The following SEC14L3 variants were observed in gnomAD, a reference collection of about 807,000 sequenced individuals.
The protein encoded by SEC14L3 is SEC14 like lipid binding 3.
A neutral mutation model predicts 57.4 loss-of-function variants in SEC14L3; 56 were observed. The ratio of observed to expected loss-of-function variants is 0.97; its 90% confidence interval spans 0.79 to 1.22. The LOEUF is 1.22. Among genes scored for constraint, SEC14L3 ranks in the 50% most tolerant of loss-of-function variants. The pLI, the probability that SEC14L3 is intolerant of heterozygous loss-of-function variation, is 0.00. For missense variants in SEC14L3, 485 were observed against 511.7 expected (o/e 0.95, Z 0.50); for synonymous variants, 173 against 194.4 (o/e 0.89, Z 0.92).
exon 13 of SEC14L3, chr22:30,449,040 G>T (rs571753992): frequency 8.9e-4 from 1,367 of 1,527,586 alleles, no homozygotes; most frequent in Non-Finnish European, 1.1e-3. Context: ...GACCACGTAG[G>T]GGGTGAGTCC....
chr22:30,466,837 A>C, intron 6 of SEC14L3, 145 bp downstream of exon 6: 32 of 672,746 alleles, frequency 4.8e-5, no homozygotes, highest in Non-Finnish European at 6.7e-5. Flanking sequence ...TAGGAAAGGT[A>C]TTAAGGCCTT....
downstream of SEC14L3, among the ~76,000 whole-genome samples, chr22:30,457,613 C>G (rs960484933): frequency 6.6e-6 from 1 of 151,578 alleles, no homozygotes; most frequent in East Asian, 1.9e-4. Flanking sequence ...GAACTCCTGA[C>G]GTCAAGTGAT....
At chr22:30,470,730 G>GGATCCAC in intron 1 of SEC14L3, 148 bp from the exon 2 acceptor site, 12 of 1,477,388 alleles carry the variant, frequency 8.1e-6, no homozygotes, top group Non-Finnish European at 1.1e-5. Context: ...GAATAGAAGG[G>GGATCCAC]CAGATGGATC....
chr22:30,451,169 C>T (rs898101489), intron 12 of SEC14L3, among the ~76,000 whole-genome samples: 1 of 152,198 alleles, frequency 6.6e-6, no homozygotes, highest in Admixed American at 6.5e-5. Flanking sequence ...CCGGGGGTGG[C>T]GCTGCTCTGG....
chr22:30,451,759 G>A (rs1934985124), intron 12 of SEC14L3, among the ~76,000 whole-genome samples: 2 of 152,010 alleles, frequency 1.3e-5, no homozygotes, highest in Non-Finnish European at 1.5e-5. Context: ...GGAGGCCAAG[G>A]TGGGCAGATC....
rs1166836317 is a variant in SEC14L3, at chr22:30,459,465, C to T, written c.*556G>A. 4.1e-6 allele frequency: 4 copies of T among 985,382 alleles called. No homozygotes were observed. In the African/African-American group the frequency reaches 7.0e-5, roughly 17 times the overall value. 61.0% of individuals were successfully genotyped at this position (985,382 alleles called of 1,614,324 possible). A position where few individuals can be genotyped will look rare whatever the true frequency, so the allele number is the denominator to read the frequency against. The stretch of plus-strand genomic sequence containing the variant: ...CTGGAGACTGAATTGTCTGGGTCTC[C>T]AGAAGAGAGTCCAACCCCACCACAC... On this transcript the variant is annotated 3_prime_UTR_variant, in exon 12 of 12. Transcript: ENST00000215812.
At chr22:30,466,415 C>G in intron 6 of SEC14L3, 21 bp from the exon 7 acceptor site, 2 of 1,613,972 alleles carry the variant, frequency 1.2e-6, no homozygotes, top group South Asian at 1.1e-5. Context: ...AAGAGAGATC[C>G]CTTCAGAGAG....
chr22:30,467,092 G>C lies in SEC14L3; in HGVS notation c.424-15C>G. 1 of 1,613,906 alleles carries C rather than the reference G, an allele frequency of 6.2e-7. No individual in the cohort carries two copies. Among genetic ancestry groups the C allele is most frequent in the Non-Finnish European group, 8.5e-7 (1 of 1,179,846 alleles). On this transcript the variant is annotated splice_polypyrimidine_tract_variant and intron_variant, in intron 5 of 11. Coordinates refer to ENST00000215812, the MANE Select transcript of SEC14L3 (RefSeq NM_174975.5). ...TTCTTCCCTAGCTGCAAGGATGAGA[G>C]CAAGAAGTAGTTCTGGAGTTCAGGG...
chr22:30,448,327 G>C (rs1437703010), exon 13 of SEC14L3: 2 of 152,180 alleles, frequency 1.3e-5, no homozygotes, highest in African/African-American at 4.8e-5. Flanking sequence ...AGGATCCCAG[G>C]TCACCCATTT....
At chr22:30,458,467 C>G (rs1202103171), downstream of SEC14L3, among the ~76,000 whole-genome samples, 1 of 152,206 alleles carries the variant, frequency 6.6e-6, no homozygotes, top group East Asian at 1.9e-4. Context: ...ACATGCAGGA[C>G]ACTTCTACTG....
chr22:30,468,810 C>T, intron 4 of SEC14L3, 114 bp from the exon 5 acceptor site: 1 of 1,591,762 alleles, frequency 6.3e-7, no homozygotes, highest in Non-Finnish European at 8.6e-7. Context: ...AAGCACTGTC[C>T]CTCCCTGGAA....
Position 30,462,141 on chromosome 22 carries a change from G to A in SEC14L3, c.716C>T (p.Ala239Val). 1 of 1,614,176 alleles carries A rather than the reference G, an allele frequency of 6.2e-7. No homozygotes were observed. The highest frequency in any genetic ancestry group is 8.5e-7 in the Non-Finnish European group (1 of 1,180,030). The change falls in exon 9 of 12, where the codon GCC (alanine) becomes GTC (valine). Residue 239 changes from alanine (A) to valine (V), a missense_variant. Physicochemically the swap from Ala to Val is moderately conservative, Grantham distance 64. Coordinates refer to ENST00000215812, the MANE Select transcript of SEC14L3 (RefSeq NM_174975.5). ...GTCAGTCAGGGTGCCCCCAAACTGG[G>A]CAGGCAGTTCCTCAGGACTGATGAG... ...LKLISPEELPAQFGGTLTDPD... is the reference protein window; with the variant it reads ...LKLISPEELPVQFGGTLTDPD...
rs745857845 is a variant in SEC14L3, at chr22:30,459,329, A to G, written c.*692T>C. On this transcript the variant is annotated 3_prime_UTR_variant, in exon 12 of 12. Coordinates refer to ENST00000215812, the MANE Select transcript of SEC14L3 (RefSeq NM_174975.5). The stretch of plus-strand genomic sequence containing the variant: ...CTATGTGCAACAAGGGAAGTGGGTT[A>G]GGGTGGGAAGCTGAGCGTGCAAGTC... 6.1e-6 allele frequency: 6 copies of G among 985,348 alleles called. No homozygotes were observed. Among genetic ancestry groups the G allele is most frequent in the African/African-American group, 1.7e-5 (1 of 57,252 alleles). 61.0% of individuals were successfully genotyped at this position (985,348 alleles called of 1,614,324 possible). A position where few individuals can be genotyped will look rare whatever the true frequency, so the allele number is the denominator to read the frequency against.
chr22:30,459,878 G>A lies in SEC14L3; in HGVS notation c.*143C>T. 2 of 1,419,536 alleles carry A rather than the reference G, an allele frequency of 1.4e-6. No homozygotes were observed. The highest frequency in any genetic ancestry group is 9.2e-7 in the Non-Finnish European group (1 of 1,082,680). The allele number at this position is 1,419,536 out of a possible 1,614,324, so 87.9% of individuals were successfully genotyped here. A position where few individuals can be genotyped will look rare whatever the true frequency, so the allele number is the denominator to read the frequency against. On this transcript the variant is annotated 3_prime_UTR_variant, in exon 12 of 12. Coordinates refer to ENST00000215812, the MANE Select transcript of SEC14L3 (RefSeq NM_174975.5). ...TTCTTGATCTGACCACAGTAGATGA[G>A]TTTTCCCCAGGGCATCTCTTTCTGT...
exon 13 of SEC14L3, chr22:30,448,987 G>A: frequency 8.8e-7 from 1 of 1,136,804 alleles, no homozygotes; most frequent in East Asian, 2.6e-5. Flanking sequence ...AAGCAGCATG[G>A]CAAGGCGGTC....
chr22:30,459,067 G>T (rs977871361), downstream of SEC14L3, among the ~76,000 whole-genome samples: 2 of 152,100 alleles, frequency 1.3e-5, no homozygotes, highest in Admixed American at 1.3e-4. Flanking sequence ...CCCAGGTCCT[G>T]GATCTGCCAC....
chr22:30,468,840 GTGAGAAAGC>G (rs1569231827), intron 4 of SEC14L3, 144 bp from the exon 5 acceptor site: 2 of 1,562,114 alleles, frequency 1.3e-6, no homozygotes, highest in Admixed American at 3.9e-5. Flanking sequence ...ATTGTCTCAG[GTGAGAAAGC>G]TGAGGTCCTG....
rs187752335 is a variant in SEC14L3 at position 30,464,517 on chromosome 22, T to C, written c.664+303A>G. On this transcript the variant is annotated intron_variant, in intron 8 of 11. Coordinates refer to ENST00000215812, the MANE Select transcript of SEC14L3 (RefSeq NM_174975.5). ...GTGAACACGACTCACTGCAGCTTCA[T>C]ACTCCTGGGCTCAAGTGATCCTCCC... is the stretch of plus-strand genomic sequence containing the variant. Among the ~76,000 whole-genome samples, 310 of 152,248 alleles carry C rather than the reference T, an allele frequency of 2.0e-3. 1 individual carries two copies. Among genetic ancestry groups the C allele is most frequent in the African/African-American group, 6.4e-3 (267 of 41,540 alleles).
At chr22:30,470,610 G>A in intron 1 of SEC14L3, 28 bp from the exon 2 acceptor site, 2 of 1,614,074 alleles carry the variant, frequency 1.2e-6, no homozygotes, top group Non-Finnish European at 1.7e-6. Flanking sequence ...GGTTAAAGTG[G>A]CTCTCTCACA....
Sources: allele counts gnomAD v4.1 joint callset (sites outside exome capture counted in the v4.1 genomes callset), GRCh38; gene constraint gnomAD v4.1.1; transcripts MANE v1.5; gene names NCBI Gene and HGNC (gene_info 2026-07-23, HGNC 2026-07-21).